KIF5B: variants seen among roughly 807,000 people sequenced by gnomAD.
The protein encoded by KIF5B is kinesin family member 5B, also known as kinesin-1 heavy chain.
In KIF5B, 49 loss-of-function variants were observed where a neutral mutation model predicts 132.8. The ratio of observed to expected loss-of-function variants is 0.37; its 90% confidence interval spans 0.29 to 0.47. The LOEUF is 0.47. Ranked by LOEUF, KIF5B falls within the 20% of genes least tolerant of loss-of-function variation. The pLI is 1.00. For missense variants in KIF5B, 780 were observed against 1,144.0 expected (o/e 0.68, Z 4.59); for synonymous variants, 355 against 369.4 (o/e 0.96, Z 0.45).
rs565048734 is a variant in KIF5B, at chr10:32,033,954, G to T, written c.1196C>A (p.Thr399Asn). The stretch of plus-strand genomic sequence containing the variant: ...AATTGCGGTTGCTGGTTTATCATTG[G>T]TAAGAGTAATATCTTTATCCACTGT... ...AFTVDKDITL[T>N]NDKPATAIGV... Residue 399 changes from threonine to asparagine, a missense_variant, in exon 12 of 26, where the codon ACC (threonine) becomes AAC (asparagine). By Grantham distance (65) the Thr-to-Asn change is moderately conservative. Coordinates refer to ENST00000302418, the MANE Select transcript of KIF5B (RefSeq NM_004521.3). 1.7e-4 allele frequency: 266 copies of T among 1,611,760 alleles called. 2 individuals are homozygous for T. In the South Asian group the frequency reaches 2.7e-3, roughly 16 times the overall value.
chr10:32,040,856 C>T (rs945406066), intron 2 of KIF5B, among the ~76,000 whole-genome samples: 14 of 151,734 alleles, frequency 9.2e-5, no homozygotes, highest in South Asian at 2.1e-4. Flanking sequence ...GGCTTGGTGG[C>T]GCGTGCCTGT....
At chr10:32,035,410 G>A in intron 10 of KIF5B, 112 bp downstream of exon 10, 2 of 830,826 alleles carry the variant, frequency 2.4e-6, no homozygotes, top group Non-Finnish European at 1.8e-6. Flanking sequence ...CAAACTGAGT[G>A]TGTCTAGCAC....
rs72775184 is a variant in KIF5B, at chr10:32,009,165, G to C, written c.*2372C>G. 6 of 152,330 alleles carry C rather than the reference G, an allele frequency of 3.9e-5. No individual in the cohort carries two copies. The highest frequency in any genetic ancestry group is 8.8e-5 in the Non-Finnish European group (6 of 68,036). 9.4% of individuals were successfully genotyped at this position (152,330 alleles called of 1,614,324 possible). On this transcript the variant is annotated 3_prime_UTR_variant, in exon 26 of 26. Coordinates refer to ENST00000302418, the MANE Select transcript of KIF5B (RefSeq NM_004521.3). ...CCAACATATTCCACAGGTAGACTCA[G>C]ACTCTCTTCTGTCACCTCATGTCAA... is the stretch of plus-strand genomic sequence containing the variant.
At chr10:32,042,945 T>C (rs1460407073) in intron 2 of KIF5B, among the ~76,000 whole-genome samples, 1 of 152,152 alleles carries the variant, frequency 6.6e-6, no homozygotes, top group African/African-American at 2.4e-5. Context: ...CCATTTTTTA[T>C]ATATTATTGT....
intron 14 of KIF5B, among the ~76,000 whole-genome samples, chr10:32,030,309 G>A (rs1841385839): frequency 6.6e-6 from 1 of 152,038 alleles, no homozygotes; most frequent in Admixed American, 6.6e-5. Flanking sequence ...CTGAGGTCAG[G>A]AGCTCGAGAC....
At position 32,021,005 on chromosome 10, in the gene KIF5B, A is replaced by G; in HGVS notation, c.2204+17T>C. 1 of 1,360,754 alleles carries G rather than the reference A, an allele frequency of 7.3e-7. No individual in the cohort carries two copies. The highest frequency in any genetic ancestry group is 1.2e-5 in the South Asian group (1 of 85,090). The allele number at this position is 1,360,754 out of a possible 1,614,324, so 84.3% of individuals were successfully genotyped here. On this transcript the variant is annotated intron_variant, in intron 19 of 25. Coordinates refer to ENST00000302418, the MANE Select transcript of KIF5B (RefSeq NM_004521.3). ...TAACCGATTCTTTCCTCCTAACTAG[A>G]GAAGTATAATACTTACTCTTGAAGA...
At chr10:32,013,941 G>T (rs1841120154) in intron 25 of KIF5B, among the ~76,000 whole-genome samples, 1 of 152,132 alleles carries the variant, frequency 6.6e-6, no homozygotes, top group Non-Finnish European at 1.5e-5. Flanking sequence ...GAATCCTTCA[G>T]AATATTTCTT....
intron 14 of KIF5B, among the ~76,000 whole-genome samples, chr10:32,029,492 G>A (rs186113150): frequency 1.3e-5 from 2 of 152,140 alleles, no homozygotes; most frequent in African/African-American, 2.4e-5. Flanking sequence ...ATGGTAGTTC[G>A]TCATTTCCTT....
Position 32,035,953 on chromosome 10 carries a change from A to T in KIF5B, c.753T>A (p.Ala251=), listed in dbSNP as rs1307997481. 11 of 1,613,318 alleles carry T rather than the reference A, an allele frequency of 6.8e-6. No individual in the cohort carries two copies. The highest frequency in any genetic ancestry group is 9.3e-6 in the Non-Finnish European group (11 of 1,179,640). ...TGAEGAVLDE[A]KNINKSLSAL... ...CAGAAAGTGACTTGTTGATGTTTTT[A>T]GCTTCATCCAGCACAGCACCTTCAG... Residue 251 remains alanine, a synonymous_variant, in exon 9 of 26, where the codon GCT becomes GCA. Transcript: ENST00000302418.
intron 6 of KIF5B, 70 bp downstream of exon 6, chr10:32,038,091 CAG>C (rs1290378677): frequency 2.4e-5 from 21 of 878,720 alleles, no homozygotes; most frequent in Non-Finnish European, 3.2e-5. Context: ...GCCTGGGCGA[CAG>C]AGTGAGACTC....
At chr10:32,025,829 G>T (rs1841327043) in intron 15 of KIF5B, among the ~76,000 whole-genome samples, 1 of 152,230 alleles carries the variant, frequency 6.6e-6, no homozygotes, top group South Asian at 2.1e-4. Flanking sequence ...AGCCATGGAA[G>T]AATCTTAAAT....
intron 15 of KIF5B, among the ~76,000 whole-genome samples, chr10:32,027,605 G>A (rs985640937): frequency 6.7e-6 from 1 of 148,978 alleles, no homozygotes; most frequent in Non-Finnish European, 1.5e-5. Context: ...TTTATTCCCT[G>A]AGCTAATCTT....
At chr10:32,045,698 A>C (rs940742581) in intron 2 of KIF5B, among the ~76,000 whole-genome samples, 1 of 152,198 alleles carries the variant, frequency 6.6e-6, no homozygotes, top group Non-Finnish European at 1.5e-5. Flanking sequence ...AGTAAAGACT[A>C]TGGTTGAACT....
chr10:32,031,574 G>C (rs1270186300), intron 13 of KIF5B, among the ~76,000 whole-genome samples: 1 of 152,114 alleles, frequency 6.6e-6, no homozygotes, highest in Non-Finnish European at 1.5e-5. Context: ...GAGAGGGACA[G>C]GACAGATAAA....
chr10:32,042,515 A>G (rs1473776590), intron 2 of KIF5B, among the ~76,000 whole-genome samples: 1 of 152,160 alleles, frequency 6.6e-6, no homozygotes, highest in Non-Finnish European at 1.5e-5. Context: ...TATTCGATCA[A>G]TTTACCTGTC....
intron 2 of KIF5B, among the ~76,000 whole-genome samples, chr10:32,047,487 C>T (rs1841628791): frequency 6.6e-6 from 1 of 152,170 alleles, no homozygotes; most frequent in African/African-American, 2.4e-5. Flanking sequence ...TACTGCCTGG[C>T]AATACTCTCA....
intron 14 of KIF5B, among the ~76,000 whole-genome samples, chr10:32,028,904 A>G (rs1841365205): frequency 6.6e-6 from 1 of 152,148 alleles, no homozygotes; most frequent in African/African-American, 2.4e-5. Flanking sequence ...ACTTATTACT[A>G]TATTATGTCT....
chr10:32,036,333 G>C (rs903308780), intron 8 of KIF5B, among the ~76,000 whole-genome samples: 1 of 152,160 alleles, frequency 6.6e-6, no homozygotes, highest in Non-Finnish European at 1.5e-5. Context: ...TGTTGTAACT[G>C]TTAGAAAACA....
At chr10:32,020,023 A>C (rs1841237009) in intron 19 of KIF5B, 64 bp from the exon 20 acceptor site, 2 of 1,098,122 alleles carry the variant, frequency 1.8e-6, no homozygotes, top group Admixed American at 4.3e-5. Context: ...GTCATCATTA[A>C]AATTTCCAAA....
Sources: allele counts gnomAD v4.1 joint callset (sites outside exome capture counted in the v4.1 genomes callset), GRCh38; gene constraint gnomAD v4.1.1; transcripts MANE v1.5; gene names NCBI Gene and HGNC (gene_info 2026-07-23, HGNC 2026-07-21).